The following NSMCE2 variants were observed in gnomAD, a reference collection of about 807,000 sequenced individuals.
NSMCE2 encodes E3 SUMO-protein ligase NSE2.
A neutral mutation model predicts 23.8 loss-of-function variants in NSMCE2; 24 were observed. The observed-to-expected ratio is 1.01, with a 90% CI of 0.73 to 1.42. NSMCE2 has a LOEUF of 1.42. NSMCE2 is among the 40% of genes most tolerant of loss of function. NSMCE2 has a pLI of 0.00. For synonymous variants in NSMCE2, 92 were observed against 94.1 expected (o/e 0.98, Z 0.13); for missense variants, 284 against 296.5 (o/e 0.96, Z 0.31).
chr8:125,255,433 C>T (rs1826364381), intron 5 of NSMCE2, among the ~76,000 whole-genome samples: 1 of 152,120 alleles, frequency 6.6e-6, no homozygotes, highest in Admixed American at 6.5e-5. Context: ...CTAATCCTTC[C>T]TTCATCATCA....
chr8:125,275,999 CT>C (rs1489107488), intron 5 of NSMCE2, among the ~76,000 whole-genome samples: 1 of 152,184 alleles, frequency 6.6e-6, no homozygotes, highest in African/African-American at 2.4e-5. Context: ...ATCTCATGGC[CT>C]TCTGTGCCAT....
chr8:125,187,650 G>A (rs1347082392), intron 5 of NSMCE2, among the ~76,000 whole-genome samples: 1 of 152,110 alleles, frequency 6.6e-6, no homozygotes, highest in Admixed American at 6.6e-5. Flanking sequence ...ATCAGGCCCT[G>A]TAGATTTTAG....
intron 3 of NSMCE2, among the ~76,000 whole-genome samples, chr8:125,147,037 A>G (rs952356016): frequency 6.6e-6 from 1 of 152,136 alleles, no homozygotes; most frequent in Non-Finnish European, 1.5e-5. Context: ...CATTGTCATT[A>G]CTTTCCATGT....
intron 5 of NSMCE2, among the ~76,000 whole-genome samples, chr8:125,239,747 A>C (rs1825695886): frequency 6.6e-6 from 1 of 152,204 alleles, no homozygotes; most frequent in Non-Finnish European, 1.5e-5. Context: ...TAACATTTGT[A>C]AAAATATACC....
rs544161342 is a variant in NSMCE2 at position 125,187,202 on chromosome 8, C to T, written c.418+4946C>T. Among the ~76,000 whole-genome samples, 14 of 152,236 alleles carry T rather than the reference C, an allele frequency of 9.2e-5. No individual in the cohort carries two copies. In the South Asian group the frequency reaches 1.0e-3, roughly 11 times the overall value. On this transcript the variant is annotated intron_variant, in intron 5 of 7. Coordinates refer to ENST00000287437, the MANE Select transcript of NSMCE2 (RefSeq NM_173685.4). ...AGCAGCCTACTCTCCCTTCAGATAC[C>T]GCCTATCTTAGATACTTCTAATTCT...
chr8:125,234,564 C>A (rs963586044), intron 5 of NSMCE2, among the ~76,000 whole-genome samples: 1 of 152,106 alleles, frequency 6.6e-6, no homozygotes, highest in Non-Finnish European at 1.5e-5. Flanking sequence ...TAATTACTGG[C>A]AAATTACCAG....
intron 5 of NSMCE2, among the ~76,000 whole-genome samples, chr8:125,232,107 A>G (rs988060468): frequency 3.3e-5 from 5 of 152,188 alleles, no homozygotes; most frequent in African/African-American, 1.2e-4. Context: ...CATGCCTATA[A>G]TCCCAGCACT....
chr8:125,357,926 T>C, intron 7 of NSMCE2, 108 bp downstream of exon 7: 1 of 739,004 alleles, frequency 1.4e-6, no homozygotes, highest in South Asian at 1.6e-5. Flanking sequence ...CTAAATTCCG[T>C]TCACCTCCCG....
At chr8:125,094,035 C>T (rs1252412250) in intron 1 of NSMCE2, among the ~76,000 whole-genome samples, 1 of 151,646 alleles carries the variant, frequency 6.6e-6, no homozygotes, top group Non-Finnish European at 1.5e-5. Flanking sequence ...AACTCCTGGC[C>T]TCAAGCAATC....
At chr8:125,147,737 AC>A (rs1239984193) in intron 3 of NSMCE2, among the ~76,000 whole-genome samples, 1 of 151,854 alleles carries the variant, frequency 6.6e-6, no homozygotes, top group Non-Finnish European at 1.5e-5. Flanking sequence ...AACCACCCCA[AC>A]CCCCAGCAAC....
intron 5 of NSMCE2, among the ~76,000 whole-genome samples, chr8:125,192,317 C>A (rs975771634): frequency 6.8e-6 from 1 of 147,550 alleles, no homozygotes; most frequent in African/African-American, 2.5e-5. Context: ...ACTTCTACTT[C>A]ATTTTTAAAA....
intron 5 of NSMCE2, among the ~76,000 whole-genome samples, chr8:125,300,307 G>A (rs1011382995): frequency 4.6e-5 from 7 of 151,076 alleles, no homozygotes; most frequent in African/African-American, 1.5e-4. Flanking sequence ...CACCTCCTGA[G>A]TACCTGGGAC....
intron 5 of NSMCE2, among the ~76,000 whole-genome samples, chr8:125,310,784 A>G (rs570926831): frequency 1.2e-4 from 18 of 152,128 alleles, no homozygotes; most frequent in Non-Finnish European, 2.2e-4. Context: ...CTCCATGCTC[A>G]TTTACCGAGG....
intron 5 of NSMCE2, among the ~76,000 whole-genome samples, chr8:125,210,679 T>C (rs1233835594): frequency 6.6e-6 from 1 of 152,070 alleles, no homozygotes; most frequent in Non-Finnish European, 1.5e-5. Flanking sequence ...CTTCCCAGTT[T>C]TACCTAGCCA....
chr8:125,365,926 G>C (rs1813769190), intron 7 of NSMCE2, among the ~76,000 whole-genome samples: 1 of 152,044 alleles, frequency 6.6e-6, no homozygotes, highest in Middle Eastern at 3.2e-3. Flanking sequence ...ACTTCCAACT[G>C]CTCTCCCTCT....
chr8:125,288,785 T>C (rs1827994556), intron 5 of NSMCE2, among the ~76,000 whole-genome samples: 1 of 152,146 alleles, frequency 6.6e-6, no homozygotes, highest in Admixed American at 6.6e-5. Context: ...CCAGTCTTTA[T>C]TTTTTAAATT....
intron 5 of NSMCE2, among the ~76,000 whole-genome samples, chr8:125,190,412 G>T (rs1013354156): frequency 2.0e-5 from 3 of 152,106 alleles, no homozygotes; most frequent in Non-Finnish European, 4.4e-5. Flanking sequence ...GAAGACAGAC[G>T]GTGCCAAGGA....
chr8:125,313,620 A>G (rs551988063), intron 5 of NSMCE2, among the ~76,000 whole-genome samples: 1 of 152,292 alleles, frequency 6.6e-6, no homozygotes, highest in South Asian at 2.1e-4. Context: ...GAAGCAAAGG[A>G]AAAGTGTCCT....
rs575317502 is a variant in NSMCE2 at position 125,115,007 on chromosome 8, C to G, written c.157+12520C>G. 2.6e-5 allele frequency among the ~76,000 whole-genome samples: 4 copies of G among 152,292 alleles called. No individual in the cohort carries two copies. In the East Asian group the frequency reaches 7.7e-4, roughly 29 times the overall value. On this transcript the variant is annotated intron_variant, in intron 3 of 7. Coordinates refer to ENST00000287437, the MANE Select transcript of NSMCE2 (RefSeq NM_173685.4). ...ATGTTTCTTTATGTGTCATATTTCC[C>G]TCACTGGACTGTATGTCCTTGAGAT...
Sources: allele counts gnomAD v4.1 joint callset (sites outside exome capture counted in the v4.1 genomes callset), GRCh38; gene constraint gnomAD v4.1.1; transcripts MANE v1.5; gene names NCBI Gene and HGNC (gene_info 2026-07-23, HGNC 2026-07-21).